The following ANOS1 variants were observed in gnomAD, a reference collection of about 807,000 sequenced individuals.
The protein encoded by ANOS1 is anosmin 1.
Under a neutral mutation model 59.0 loss-of-function variants are expected in ANOS1, and 6 were observed. The ratio of observed to expected loss-of-function variants is 0.10; its 90% CI spans 0.06 to 0.20. ANOS1 has a LOEUF of 0.20. ANOS1 is among the 10% of genes least tolerant of loss of function. ANOS1 has a pLI of 1.00. For missense variants in ANOS1, 433 were observed against 542.3 expected, an observed-to-expected ratio of 0.80 and a Z score of 2.00; for synonymous variants, 217 against 223.4, an observed-to-expected ratio of 0.97 and a Z score of 0.25.
intron 4 of ANOS1, among the ~76,000 whole-genome samples, 184 bp downstream of exon 4, chrX:8,596,850 T>A (rs192606025): frequency 3.8e-4 from 43 of 111,968 alleles, no homozygotes; most frequent in African/African-American, 1.3e-3. Flanking sequence ...CCATGTCGAG[T>A]TAATATGGCT....
chrX:8,614,518 C>T (rs1003530400), intron 3 of ANOS1, among the ~76,000 whole-genome samples: 5 of 111,372 alleles, frequency 4.5e-5, no homozygotes, highest in African/African-American at 9.8e-5. Flanking sequence ...CCTTTTAGTT[C>T]GCATCTCACT....
At chrX:8,568,614 G>A (rs770075295) in intron 7 of ANOS1, among the ~76,000 whole-genome samples, 4 of 110,118 alleles carry the variant, frequency 3.6e-5, no homozygotes, top group East Asian at 2.9e-4. Flanking sequence ...TGGGAGGATC[G>A]CTTGAGCCCA....
At chrX:8,642,145 AAAAAG>A (rs1313634444) in intron 2 of ANOS1, among the ~76,000 whole-genome samples, 1 of 112,331 alleles carries the variant, frequency 8.9e-6, no homozygotes, top group Non-Finnish European at 1.9e-5. Context: ...AATAAAATGA[AAAAAG>A]AATACATGGA....
At chrX:8,551,089 C>T (rs1041068923) in intron 9 of ANOS1, among the ~76,000 whole-genome samples, 2 of 111,640 alleles carry the variant, frequency 1.8e-5, no homozygotes, top group African/African-American at 6.5e-5. Flanking sequence ...TCCTCCTTCA[C>T]CTTCCGCAAT....
chrX:8,562,350 CA>C (rs1930046850), intron 8 of ANOS1, among the ~76,000 whole-genome samples: 1 of 111,889 alleles, frequency 8.9e-6, no homozygotes. Context: ...AATCCACCAA[CA>C]ATTAGTGTTG....
intron 2 of ANOS1, among the ~76,000 whole-genome samples, chrX:8,654,466 A>G (rs1931898597): frequency 8.9e-6 from 1 of 112,540 alleles, no homozygotes; most frequent in Non-Finnish European, 1.9e-5. Context: ...ATTCACCACC[A>G]TGGGAACTAA....
intron 1 of ANOS1, among the ~76,000 whole-genome samples, chrX:8,729,752 G>A (rs747450102): frequency 9.6e-6 from 1 of 104,247 alleles, no homozygotes; most frequent in Admixed American, 1.0e-4. Flanking sequence ...AAGGCAAGCG[G>A]TGGGGAACAG....
At chrX:8,619,470 GAT>G (rs1931248727) in intron 3 of ANOS1, among the ~76,000 whole-genome samples, 1 of 111,082 alleles carries the variant, frequency 9.0e-6, no homozygotes, top group South Asian at 3.8e-4. Flanking sequence ...CGGGCGTGGT[GAT>G]GCATGCTTGT....
intron 10 of ANOS1, among the ~76,000 whole-genome samples, chrX:8,538,776 C>T (rs1929637625): frequency 8.9e-6 from 1 of 111,886 alleles, no homozygotes; most frequent in South Asian, 3.7e-4. Flanking sequence ...CAAATTAAGT[C>T]CAGTAAAAAA....
At chrX:8,576,473 CACACACACACACACACAT>C (rs1343431520) in intron 6 of ANOS1, among the ~76,000 whole-genome samples, 1 of 100,784 alleles carries the variant, frequency 9.9e-6, no homozygotes, top group African/African-American at 4.0e-5. Context: ...TATATACACA[CACACACACACACACACAT>C]ACACACACAC....
At chrX:8,569,371 G>A (rs896809725) in intron 7 of ANOS1, among the ~76,000 whole-genome samples, 4 of 112,564 alleles carry the variant, frequency 3.6e-5, no homozygotes, top group Non-Finnish European at 7.5e-5. Context: ...GGCTGGGCGT[G>A]GTGGCTCACG....
At chrX:8,645,042 T>C (rs917038509) in intron 2 of ANOS1, among the ~76,000 whole-genome samples, 1 of 112,843 alleles carries the variant, frequency 8.9e-6, no homozygotes, top group Non-Finnish European at 1.9e-5. Flanking sequence ...AATAAACCTC[T>C]ACATTGATTG....
intron 1 of ANOS1, among the ~76,000 whole-genome samples, chrX:8,711,082 T>C (rs1343790451): frequency 8.9e-6 from 1 of 112,288 alleles, no homozygotes; most frequent in Non-Finnish European, 1.9e-5. Context: ...GAAATCTAAG[T>C]GTCCAATAAA....
intron 2 of ANOS1, among the ~76,000 whole-genome samples, chrX:8,676,553 T>C (rs1346019503): frequency 8.9e-6 from 1 of 112,044 alleles, no homozygotes. Context: ...CCCATAAAAA[T>C]ATGATTTGTG....
At chrX:8,582,476 C>A in intron 6 of ANOS1, among the ~76,000 whole-genome samples, 1 of 110,939 alleles carries the variant, frequency 9.0e-6, no homozygotes, top group Non-Finnish European at 1.9e-5. Flanking sequence ...GTGATGAAGT[C>A]TAAGAGGAAG....
Position 8,659,536 on chromosome X carries a change from TCTTTCC to T in ANOS1, c.256-35872_256-35867del, listed in dbSNP as rs1569075593. Among the ~76,000 whole-genome samples the T allele has an allele frequency of 3.2e-3, 302 of 93,300 alleles. 2 individuals are homozygous for T. The highest frequency in any genetic ancestry group is 0.014 in the African/African-American group (284 of 20,094). 81.0% of individuals were successfully genotyped at this position (93,300 alleles called of 115,157 possible). The stretch of plus-strand genomic sequence containing the variant: ...TTGCTTGCTTTTCTTTCTTTCTTTC[TCTTTCC>T]TTCCTTCCTTCCTTCCTTCCTTCCT... On this transcript the variant is annotated intron_variant, in intron 2 of 13. Coordinates refer to ENST00000262648, the MANE Select transcript of ANOS1 (RefSeq NM_000216.4).
chrX:8,628,342 A>G (rs761317927), intron 2 of ANOS1, among the ~76,000 whole-genome samples: 1 of 112,124 alleles, frequency 8.9e-6, no homozygotes, highest in Non-Finnish European at 1.9e-5. Flanking sequence ...AGAAATAATG[A>G]TAAGTTTACT....
intron 2 of ANOS1, among the ~76,000 whole-genome samples, chrX:8,644,155 T>C (rs999075569): frequency 8.9e-6 from 1 of 112,033 alleles, no homozygotes; most frequent in African/African-American, 3.2e-5. Context: ...GACATACTTG[T>C]GTTTAAGATT....
At position 8,664,489 on chromosome X, in the gene ANOS1, G is replaced by A. The variant is rs185514388; in HGVS notation, c.255+35209C>T. Among the ~76,000 whole-genome samples, 134 of 110,279 alleles carry A rather than the reference G, an allele frequency of 1.2e-3. 3 individuals are homozygous for A. In the East Asian group the frequency reaches 0.027, roughly 22 times the overall value. On this transcript the variant is annotated intron_variant, in intron 2 of 13. Transcript: ENST00000262648. ...ATTACAGGTGTGAGCCACCGCCCCC[G>A]GCCAGGGATTTTTTTTTTTAATATG...
Sources: allele counts gnomAD v4.1 joint callset (sites outside exome capture counted in the v4.1 genomes callset), GRCh38; gene constraint gnomAD v4.1.1; transcripts MANE v1.5; gene names NCBI Gene and HGNC (gene_info 2026-07-23, HGNC 2026-07-21).